Variants in EBF2 observed in about 807,000 individuals in gnomAD.
EBF2 encodes EBF transcription factor 2.
In EBF2, 21 loss-of-function variants were observed where a neutral mutation model predicts 72.8. The ratio of observed to expected loss-of-function variants is 0.29; its 90% CI spans 0.20 to 0.42. The LOEUF (loss-of-function observed/expected upper bound fraction) is 0.42. EBF2 is among the 10% of genes least tolerant of loss of function. The pLI, the probability that EBF2 is intolerant of heterozygous loss-of-function variation, is 1.00. For synonymous variants in EBF2, 299 were observed against 274.2 expected (o/e 1.09, Z -0.89); for missense variants, 637 against 731.2 (o/e 0.87, Z 1.49).
At chr8:25,845,464 G>A (rs1442291841) in intron 15 of EBF2, among the ~76,000 whole-genome samples, 1 of 152,178 alleles carries the variant, frequency 6.6e-6, no homozygotes, top group East Asian at 1.9e-4. Flanking sequence ...GGCCTCAGGT[G>A]ATCCACCCAC....
At chr8:25,971,287 A>G (rs1804185306) in intron 6 of EBF2, among the ~76,000 whole-genome samples, 1 of 152,210 alleles carries the variant, frequency 6.6e-6, no homozygotes, top group African/African-American at 2.4e-5. Flanking sequence ...GAGTGATGAA[A>G]AAATAAGCCA....
chr8:25,884,283 G>A (rs1028628593), intron 10 of EBF2, among the ~76,000 whole-genome samples: 1 of 152,030 alleles, frequency 6.6e-6, no homozygotes, highest in African/African-American at 2.4e-5. Context: ...TTCATGGACT[G>A]CCAGGCACTG....
chr8:25,871,387 T>C (rs1404418670), intron 10 of EBF2, among the ~76,000 whole-genome samples: 1 of 152,202 alleles, frequency 6.6e-6, no homozygotes, highest in Non-Finnish European at 1.5e-5. Flanking sequence ...CTGACAGGGA[T>C]ACAGAGAAGT....
In EBF2 at chr8:26,011,866, C is replaced by T. The variant is rs2117234858; in HGVS notation, c.551+21219G>A. ...TCCAGGACACATGCACAGCCAGGAG[C>T]ATGGTGACATCAATCATAAATGGAT... On this transcript the variant is annotated intron_variant, in intron 6 of 15. Coordinates refer to ENST00000520164, the MANE Select transcript of EBF2 (RefSeq NM_022659.4). Among the ~76,000 whole-genome samples the T allele has an allele frequency of 1.3e-5, 2 of 152,074 alleles. 1 individual carries two copies. Among genetic ancestry groups the T allele is most frequent in the South Asian group, 4.2e-4 (2 of 4,804 alleles).
chr8:25,907,565 TGGCTCCG>T (rs1160305303), intron 7 of EBF2, among the ~76,000 whole-genome samples: 1 of 151,872 alleles, frequency 6.6e-6, no homozygotes, highest in Non-Finnish European at 1.5e-5. Flanking sequence ...TCCCGGCTCC[TGGCTCCG>T]GGCTTTACCA....
At chr8:25,883,891 C>T (rs182645642) in intron 10 of EBF2, among the ~76,000 whole-genome samples, 68 of 152,228 alleles carry the variant, frequency 4.5e-4, no homozygotes, top group African/African-American at 1.6e-3. Flanking sequence ...GGACAGCACA[C>T]GCTTCTGGCT....
chr8:26,001,041 G>T lies in EBF2; in HGVS notation c.551+32044C>A, dbSNP rs116807584. On this transcript the variant is annotated intron_variant, in intron 6 of 15. Transcript: ENST00000520164. ...AGATACAATGCAGTCTTTAGCAAAT[G>T]ACTCCTAGCATGGGAAGCAATCTTA... Among the ~76,000 whole-genome samples the T allele has an allele frequency of 1.9e-3, 285 of 152,302 alleles. 3 individuals are homozygous for T. Among genetic ancestry groups the T allele is most frequent in the African/African-American group, 5.8e-3 (243 of 41,554 alleles).
At chr8:25,885,469 G>A (rs1802673783) in intron 10 of EBF2, among the ~76,000 whole-genome samples, 2 of 152,150 alleles carry the variant, frequency 1.3e-5, no homozygotes, top group Non-Finnish European at 2.9e-5. Context: ...ACTACTGTAT[G>A]TACTACATAA....
chr8:25,930,360 G>A (rs1803459514), intron 6 of EBF2, among the ~76,000 whole-genome samples: 1 of 152,180 alleles, frequency 6.6e-6, no homozygotes, highest in Non-Finnish European at 1.5e-5. Flanking sequence ...TGACTTTAGG[G>A]AAGTCACTGA....
chr8:25,944,719 TATG>T (rs939944441), intron 6 of EBF2, among the ~76,000 whole-genome samples: 4 of 148,010 alleles, frequency 2.7e-5, no homozygotes, highest in African/African-American at 7.4e-5. Context: ...TATATATACA[TATG>T]ATTATATGTA....
At chr8:25,886,959 C>T in intron 9 of EBF2, 78 bp from the exon 10 acceptor site, 1 of 1,496,214 alleles carries the variant, frequency 6.7e-7, no homozygotes, top group Non-Finnish European at 9.0e-7. Flanking sequence ...ACAACATCTC[C>T]CACTATTGCT....
chr8:25,984,624 A>G (rs1425485205), intron 6 of EBF2, among the ~76,000 whole-genome samples: 2 of 152,012 alleles, frequency 1.3e-5, no homozygotes, highest in East Asian at 1.9e-4. Flanking sequence ...GGAGGTTGCA[A>G]TGAGCCGACA....
intron 5 of EBF2, among the ~76,000 whole-genome samples, chr8:26,034,728 T>A (rs1805468613): frequency 1.3e-5 from 2 of 152,214 alleles, no homozygotes; most frequent in Non-Finnish European, 2.9e-5. Context: ...TGACATGGCT[T>A]TTTAAAAAAT....
Position 26,045,292 on chromosome 8 carries a change from C to G in EBF2, c.-433G>C, listed in dbSNP as rs896439648. On this transcript the variant is annotated 5_prime_UTR_variant, in exon 1 of 16. Coordinates refer to ENST00000520164, the MANE Select transcript of EBF2 (RefSeq NM_022659.4). ...TCCAATTTAGAAAAAAAAAAAATCC[C>G]CAACAGGATCAGTTGTAAAAAGAAG... 2.6e-5 allele frequency: 4 copies of G among 152,992 alleles called. No homozygotes were observed. The highest frequency in any genetic ancestry group is 5.8e-5 in the Non-Finnish European group (4 of 68,652). The allele number at this position is 152,992 out of a possible 1,614,324, so 9.5% of individuals were successfully genotyped here. A position where few individuals can be genotyped will look rare whatever the true frequency, so the allele number is the denominator to read the frequency against.
chr8:25,935,409 A>G (rs984367342), intron 6 of EBF2, among the ~76,000 whole-genome samples: 6 of 152,208 alleles, frequency 3.9e-5, no homozygotes, highest in East Asian at 1.9e-4. Context: ...GGCCGCATCA[A>G]TAAAGCTGAA....
At chr8:25,995,198 TG>T (rs1347834364) in intron 6 of EBF2, among the ~76,000 whole-genome samples, 1 of 151,910 alleles carries the variant, frequency 6.6e-6, no homozygotes. Context: ...CCCAGCTACT[TG>T]GGAGGCTGAG....
chr8:25,951,240 A>C (rs1430473878), intron 6 of EBF2, among the ~76,000 whole-genome samples: 1 of 152,148 alleles, frequency 6.6e-6, no homozygotes, highest in African/African-American at 2.4e-5. Flanking sequence ...GTACTCATAA[A>C]TAGGTGTTGG....
intron 7 of EBF2, among the ~76,000 whole-genome samples, chr8:25,905,544 G>C (rs371546938): frequency 6.6e-6 from 1 of 152,218 alleles, no homozygotes; most frequent in South Asian, 2.1e-4. Context: ...TCACATAGAG[G>C]AACTTTAAAA....
intron 6 of EBF2, among the ~76,000 whole-genome samples, chr8:25,922,177 A>G (rs1481038788): frequency 6.6e-6 from 1 of 152,190 alleles, no homozygotes; most frequent in African/African-American, 2.4e-5. Flanking sequence ...TGAAGTTTCA[A>G]AAGTGCTTGG....
Sources: gnomAD v4.1 joint callset for allele counts (sites outside exome capture counted in the v4.1 genomes callset) on GRCh38, gnomAD v4.1.1 for gene constraint, MANE v1.5 for transcripts, NCBI Gene and HGNC (gene_info 2026-07-23, HGNC 2026-07-21) for gene names.